The following LIN52 variants were observed in gnomAD, a reference collection of about 807,000 sequenced individuals.
LIN52 encodes lin-52 DREAM MuvB core complex component.
A neutral mutation model predicts 18.5 loss-of-function variants in LIN52; 4 were observed. The ratio of observed to expected loss-of-function variants is 0.22; its 90% CI spans 0.11 to 0.49. The LOEUF (loss-of-function observed/expected upper bound fraction) is 0.49, where lower values mean the gene tolerates loss of function less well. LIN52 is among the 20% of genes least tolerant of loss of function. The pLI is 0.97. For missense variants in LIN52, 102 were observed against 139.5 expected (o/e 0.73, Z 1.35); for synonymous variants, 34 against 45.5 (o/e 0.75, Z 1.02).
intron 5 of LIN52, among the ~76,000 whole-genome samples, chr14:74,155,198 A>T (rs770438443): frequency 1.3e-5 from 2 of 152,208 alleles, no homozygotes; most frequent in Non-Finnish European, 2.9e-5. Flanking sequence ...AGTGTGCTAA[A>T]ACCAAAACAC....
In LIN52 at chr14:74,199,173, A is replaced by T. The variant is rs528762907; in HGVS notation, c.*196A>T. The T allele has an allele frequency of 3.5e-4, 163 of 467,438 alleles. No homozygotes were observed. The highest frequency in any genetic ancestry group is 3.0e-3 in the African/African-American group (154 of 50,638). 29.0% of individuals were successfully genotyped at this position (467,438 alleles called of 1,614,324 possible). Reference sequence around the variant, plus strand: ...AGAGAAGAATCTGCTCTACCCAAGGATCATTGCAGTTACTCAATCAACTTT... The same window carrying T: ...AGAGAAGAATCTGCTCTACCCAAGGTTCATTGCAGTTACTCAATCAACTTT... On this transcript the variant is annotated 3_prime_UTR_variant, in exon 6 of 6. Coordinates refer to ENST00000555028, the MANE Select transcript of LIN52 (RefSeq NM_001024674.3).
intron 2 of LIN52, among the ~76,000 whole-genome samples, chr14:74,093,008 A>G (rs1010978967): frequency 2.7e-5 from 4 of 147,286 alleles, no homozygotes; most frequent in South Asian, 2.4e-4. Context: ...CTGGAGTGCA[A>G]TGGTGCAATC....
chr14:74,124,992 T>C (rs1020928727), intron 5 of LIN52, among the ~76,000 whole-genome samples: 59 of 152,022 alleles, frequency 3.9e-4, no homozygotes, highest in Non-Finnish European at 6.5e-4. Flanking sequence ...ACCAACAGAA[T>C]GGGAGAAAAG....
chr14:74,164,611 C>T (rs2061240638), intron 5 of LIN52, among the ~76,000 whole-genome samples: 1 of 152,090 alleles, frequency 6.6e-6, no homozygotes, highest in Non-Finnish European at 1.5e-5. Context: ...GCAAATTATG[C>T]ACGCATTATA....
chr14:74,142,625 G>T (rs1194103893), intron 5 of LIN52, among the ~76,000 whole-genome samples: 1 of 151,660 alleles, frequency 6.6e-6, no homozygotes, highest in Admixed American at 6.6e-5. Flanking sequence ...CAGTAGCCAT[G>T]TGTCGCTAAT....
At chr14:74,135,698 T>A (rs1487168802) in intron 5 of LIN52, among the ~76,000 whole-genome samples, 1 of 152,228 alleles carries the variant, frequency 6.6e-6, no homozygotes. Context: ...CCTTATCACA[T>A]CTATTGCCAT....
chr14:74,175,752 C>CACACACACACACACACA (rs1566867516), intron 5 of LIN52, among the ~76,000 whole-genome samples: 11 of 116,084 alleles, frequency 9.5e-5, no homozygotes, highest in African/African-American at 4.2e-4. Flanking sequence ...ACACACACAC[C>CACACACACACACACACA]CCCATTATAC....
At chr14:74,116,694 G>A in intron 5 of LIN52, among the ~76,000 whole-genome samples, 1 of 149,168 alleles carries the variant, frequency 6.7e-6, no homozygotes. Flanking sequence ...GGGTGACAGA[G>A]TAAGACTATG....
chr14:74,195,184 TATATA>T (rs1183487490), intron 5 of LIN52, among the ~76,000 whole-genome samples: 1 of 152,172 alleles, frequency 6.6e-6, no homozygotes, highest in Non-Finnish European at 1.5e-5. Context: ...TCACTGACTC[TATATA>T]ACACTCTCTC....
intron 5 of LIN52, among the ~76,000 whole-genome samples, chr14:74,121,445 T>G (rs10136156): frequency 6.6e-6 from 1 of 152,254 alleles, no homozygotes; most frequent in Admixed American, 6.5e-5. Flanking sequence ...ATTTTCCTTA[T>G]TCGTTCCTTT....
intron 5 of LIN52, among the ~76,000 whole-genome samples, chr14:74,164,547 A>G (rs538998040): frequency 1.3e-5 from 2 of 152,266 alleles, no homozygotes; most frequent in South Asian, 4.1e-4. Context: ...CGGGCTCCCA[A>G]AGTGCTGGGA....
intron 5 of LIN52, among the ~76,000 whole-genome samples, chr14:74,143,355 C>T (rs1486852002): frequency 2.0e-5 from 3 of 152,206 alleles, no homozygotes; most frequent in Admixed American, 6.5e-5. Context: ...TCGAGACCAG[C>T]GTGGACGACA....
chr14:74,139,103 G>C (rs1196462852), intron 5 of LIN52, among the ~76,000 whole-genome samples: 1 of 151,990 alleles, frequency 6.6e-6, no homozygotes, highest in African/African-American at 2.4e-5. Flanking sequence ...GCAAGAAGGT[G>C]GGGTAGGAAT....
At chr14:74,115,537 G>T (rs1211447770) in intron 5 of LIN52, among the ~76,000 whole-genome samples, 2 of 152,106 alleles carry the variant, frequency 1.3e-5, no homozygotes, top group African/African-American at 4.8e-5. Flanking sequence ...TTTGTTTTAT[G>T]CATTACTTTA....
intron 5 of LIN52, among the ~76,000 whole-genome samples, chr14:74,181,735 T>A (rs532315791): frequency 4.6e-5 from 7 of 152,296 alleles, no homozygotes; most frequent in East Asian, 1.9e-4. Context: ...ATGAATTTTT[T>A]AAATAAGATT....
intron 5 of LIN52, among the ~76,000 whole-genome samples, chr14:74,160,121 G>A (rs1263348741): frequency 6.6e-6 from 1 of 152,120 alleles, no homozygotes; most frequent in Non-Finnish European, 1.5e-5. Flanking sequence ...TTAAAATGAG[G>A]TCATTGTGTG....
chr14:74,130,302 A>T (rs2061057731), intron 5 of LIN52, among the ~76,000 whole-genome samples: 2 of 20,452 alleles, frequency 9.8e-5, no homozygotes, highest in African/African-American at 3.3e-4. Context: ...TTTTTGAGAC[A>T]GTCTCGCTCT....
intron 5 of LIN52, among the ~76,000 whole-genome samples, chr14:74,123,911 C>T (rs1481146608): frequency 6.6e-6 from 1 of 152,144 alleles, no homozygotes; most frequent in Non-Finnish European, 1.5e-5. Flanking sequence ...TGATAAATAA[C>T]CTCTCTCTGA....
chr14:74,091,925 A>C (rs1036475098), intron 2 of LIN52, among the ~76,000 whole-genome samples: 3 of 152,096 alleles, frequency 2.0e-5, no homozygotes, highest in Non-Finnish European at 2.9e-5. Context: ...TTGGTGGTTT[A>C]ATTTGTTCAG....
Sources: allele counts gnomAD v4.1 joint callset (sites outside exome capture counted in the v4.1 genomes callset), GRCh38; gene constraint gnomAD v4.1.1; transcripts MANE v1.5; gene names NCBI Gene and HGNC (gene_info 2026-07-23, HGNC 2026-07-21).